EWSR1: variants seen among roughly 807,000 people sequenced by gnomAD.
EWSR1 encodes EWS RNA binding protein 1.
A neutral mutation model predicts 92.1 loss-of-function variants in EWSR1; 14 were observed. That is an observed-to-expected ratio of 0.15 (90% CI 0.10 to 0.24). The LOEUF (loss-of-function observed/expected upper bound fraction) is 0.24, where lower values mean the gene tolerates loss of function less well. Ranked by LOEUF, EWSR1 falls within the 10% of genes least tolerant of loss-of-function variation. The pLI, the probability that EWSR1 is intolerant of heterozygous loss-of-function variation, is 1.00. For synonymous variants in EWSR1, 303 were observed against 292.9 expected (o/e 1.03, Z -0.35); for missense variants, 637 against 870.9 (o/e 0.73, Z 3.38).
chr22:29,298,803 C>G lies in EWSR1; in HGVS notation c.1488C>G (p.Gly496=). Residue 496 remains glycine, a synonymous_variant, in exon 14 of 17, where the codon GGC becomes GGG. Coordinates refer to ENST00000397938, the MANE Select transcript of EWSR1 (RefSeq NM_005243.4). The part of the protein sequence containing the change: ...RMGGRGGDRG[G]FPPRGPRGSR... ...GAGGCCGTGGAGGAGATAGAGGAGG[C>G]TTCCCTCCAAGAGGACCCCGGGGTT... 3 of 1,610,672 alleles carry G rather than the reference C, an allele frequency of 1.9e-6. No homozygotes were observed. Among genetic ancestry groups the G allele is most frequent in the Non-Finnish European group, 2.5e-6 (3 of 1,178,908 alleles).
intron 9 of EWSR1, 76 bp downstream of exon 9, chr22:29,291,675 A>G (rs1368824849): frequency 2.2e-6 from 3 of 1,368,632 alleles, no homozygotes; most frequent in Non-Finnish European, 2.0e-6. Context: ...TAATTTTTTT[A>G]TTAGTTTCAT....
intron 11 of EWSR1, among the ~76,000 whole-genome samples, chr22:29,294,397 G>A (rs2060679271): frequency 6.6e-6 from 1 of 151,528 alleles, no homozygotes; most frequent in African/African-American, 2.4e-5. Flanking sequence ...ACGAGGTCAG[G>A]AGATCGAGAC....
rs185361913 is a variant in EWSR1, at chr22:29,279,645, A to G, written c.413+1429A>G. Among the ~76,000 whole-genome samples, 166 of 152,358 alleles carry G rather than the reference A, an allele frequency of 1.1e-3. 1 individual carries two copies. Among genetic ancestry groups the G allele is most frequent in the African/African-American group, 2.7e-3 (113 of 41,588 alleles). On this transcript the variant is annotated intron_variant, in intron 5 of 16. Transcript: ENST00000397938. ...TGAAAGAAGACATTTTAGGAAATCA[A>G]CTTCTAACCTAGATATATCTGCTCT... is the stretch of plus-strand genomic sequence containing the variant.
intron 13 of EWSR1, among the ~76,000 whole-genome samples, chr22:29,298,466 C>T (rs916629797): frequency 9.4e-5 from 14 of 148,780 alleles, no homozygotes; most frequent in Non-Finnish European, 1.9e-4. Flanking sequence ...AAGATCGTGC[C>T]ACTGCACTCC....
intron 8 of EWSR1, chr22:29,291,243 C>T (rs1192621687): frequency 3.0e-6 from 1 of 335,444 alleles, no homozygotes; most frequent in African/African-American, 2.1e-5. Flanking sequence ...ATACCAAGCT[C>T]TTCTGGTTTT....
intron 4 of EWSR1, chr22:29,276,653 C>T (rs917239700): frequency 1.3e-5 from 3 of 227,504 alleles, no homozygotes; most frequent in Non-Finnish European, 2.6e-5. Context: ...ATATAAATGC[C>T]AGCACCTAGA....
intron 6 of EWSR1, among the ~76,000 whole-genome samples, chr22:29,286,134 C>T (rs184593947): frequency 1.1e-4 from 16 of 149,424 alleles, no homozygotes; most frequent in African/African-American, 3.7e-4. Context: ...CCACCGCACC[C>T]GGCCTGATTT....
intron 12 of EWSR1, 31 bp from the exon 13 acceptor site, chr22:29,297,796 G>C (rs375566604): frequency 5.0e-6 from 8 of 1,612,534 alleles, no homozygotes; most frequent in African/African-American, 1.3e-5. Context: ...GAGTACAGGG[G>C]AGTAATTGAT....
At position 29,278,350 on chromosome 22, in the gene EWSR1, G is replaced by A. The variant is rs923793704; in HGVS notation, c.413+134G>A. 2.9e-5 allele frequency: 24 copies of A among 825,252 alleles called. No homozygotes were observed. In the Admixed American group the frequency reaches 3.9e-4, roughly 13 times the overall value. The allele number at this position is 825,252 out of a possible 1,614,324, so 51.1% of individuals were successfully genotyped here. ...ATATACTCTCAGATGTTCACTGTTA[G>A]TAACTGATGTGCTAGAACATACCAC... On this transcript the variant is annotated intron_variant, in intron 5 of 16. Transcript: ENST00000397938.
chr22:29,292,101 C>T, intron 9 of EWSR1, 36 bp from the exon 10 acceptor site: 1 of 1,600,106 alleles, frequency 6.2e-7, no homozygotes, highest in Non-Finnish European at 8.6e-7. Context: ...AAGACGTGCA[C>T]TAATAATATT....
chr22:29,268,300 A>C lies in EWSR1; in HGVS notation c.-37A>C, dbSNP rs763833724. The C allele has an allele frequency of 4.3e-6, 7 of 1,610,870 alleles. No homozygotes were observed. In the East Asian group the frequency reaches 1.3e-4, roughly 31 times the overall value. ...GGCGCCTAGAGGGAAAGCGAGAGGG[A>C]GACGGACGTTGAGAGAACGAGGAGG... On this transcript the variant is annotated 5_prime_UTR_variant, in exon 1 of 17. Transcript: ENST00000397938.
intron 7 of EWSR1, among the ~76,000 whole-genome samples, 183 bp from the exon 8 acceptor site, chr22:29,288,423 A>G (rs2060210266): frequency 6.6e-6 from 1 of 152,224 alleles, no homozygotes; most frequent in East Asian, 1.9e-4. Context: ...TTCAGCTGTG[A>G]TGATCCAGCA....
At chr22:29,278,441 CTT>C (rs1488729186) in intron 5 of EWSR1, among the ~76,000 whole-genome samples, 2 of 152,174 alleles carry the variant, frequency 1.3e-5, no homozygotes, top group African/African-American at 4.8e-5. Flanking sequence ...AATTCTAGCT[CTT>C]TGGGAGGCCG....
At position 29,289,420 on chromosome 22, in the gene EWSR1, T is replaced by C. The variant is rs16987366; in HGVS notation, c.974+634T>C. On this transcript the variant is annotated intron_variant, in intron 8 of 16. Coordinates refer to ENST00000397938, the MANE Select transcript of EWSR1 (RefSeq NM_005243.4). ...TTGAAAGTCTAAATCGGTTTGACCA[T>C]TTTGATTGATGGCACAATCTGGTTT... 2,198 of 231,458 alleles carry C rather than the reference T, an allele frequency of 9.5e-3. 59 individuals carry two copies. Among genetic ancestry groups the C allele is most frequent in the African/African-American group, 0.046 (2,093 of 45,358 alleles). The allele number at this position is 231,458 out of a possible 1,614,324, so 14.3% of individuals were successfully genotyped here.
chr22:29,273,630 A>G, intron 3 of EWSR1, 111 bp from the exon 4 acceptor site: 1 of 1,246,424 alleles, frequency 8.0e-7, no homozygotes. Context: ...TGTTTTTTTA[A>G]TCTTCTAGAA....
chr22:29,291,454 T>G, intron 8 of EWSR1, 108 bp from the exon 9 acceptor site: 1 of 1,018,306 alleles, frequency 9.8e-7, no homozygotes, highest in Non-Finnish European at 1.5e-6. Context: ...ATGCATTGTT[T>G]GGAGATGTGT....
Position 29,289,908 on chromosome 22 carries a change from ATCTT to A in EWSR1, c.974+1123_974+1126del. On this transcript the variant is annotated intron_variant, in intron 8 of 16. Transcript: ENST00000397938. ...AATGATTCGGTATGAAGTAAAATCA[ATCTT>A]CTGATTTGGAAAATACTCTATTATA... The A allele has an allele frequency of 1.3e-5, 3 of 230,696 alleles. No homozygotes were observed. In the East Asian group the frequency reaches 1.9e-4, roughly 14 times the overall value. The allele number at this position is 230,696 out of a possible 1,614,324, so 14.3% of individuals were successfully genotyped here. A position where few individuals can be genotyped will look rare whatever the true frequency, so the allele number is the denominator to read the frequency against.
chr22:29,276,229 T>C (rs919801714), intron 4 of EWSR1: 3 of 230,384 alleles, frequency 1.3e-5, no homozygotes, highest in African/African-American at 6.6e-5. Context: ...GGTATTAGAT[T>C]CTAATTTAAA....
chr22:29,291,491 G>C, intron 8 of EWSR1, 71 bp from the exon 9 acceptor site: 1 of 1,475,464 alleles, frequency 6.8e-7, no homozygotes, highest in East Asian at 2.3e-5. Context: ...TTCCCCACGA[G>C]CCCCCCCAAG....
Sources: allele counts gnomAD v4.1 joint callset (sites outside exome capture counted in the v4.1 genomes callset), GRCh38; gene constraint gnomAD v4.1.1; transcripts MANE v1.5; gene names NCBI Gene and HGNC (gene_info 2026-07-23, HGNC 2026-07-21).